The following ELP2 variants were observed in gnomAD, a reference collection of about 807,000 sequenced individuals.
ELP2 encodes the protein elongator complex protein 2.
In ELP2, 90 loss-of-function variants were observed where a neutral mutation model predicts 119.2. The observed-to-expected ratio is 0.75, with a 90% CI of 0.64 to 0.90. The LOEUF (loss-of-function observed/expected upper bound fraction) is 0.90, where lower values mean the gene tolerates loss of function less well. ELP2 is among the 40% of genes least tolerant of loss of function. ELP2 has a pLI of 0.00. For missense variants in ELP2, 921 were observed against 967.8 expected (o/e 0.95, Z 0.64); for synonymous variants, 339 against 331.0 (o/e 1.02, Z -0.26).
intron 6 of ELP2, among the ~76,000 whole-genome samples, chr18:36,141,805 C>T (rs1279391311): frequency 6.6e-6 from 1 of 151,674 alleles, no homozygotes; most frequent in Non-Finnish European, 1.5e-5. Flanking sequence ...ATCCTCCTGC[C>T]TCAGCCTCCT....
intron 6 of ELP2, among the ~76,000 whole-genome samples, chr18:36,141,723 T>C (rs1333674799): frequency 3.3e-5 from 5 of 151,184 alleles, no homozygotes; most frequent in African/African-American, 1.2e-4. Flanking sequence ...GACAGAGTCT[T>C]GTTCTGTCTC....
In ELP2 at chr18:36,139,736, G is replaced by C. The variant is rs541424603; in HGVS notation, c.523+864G>C. ...GTCCTTAGAAAAAGTCTCTTATCTA[G>C]CAGAGTCATCAGGGCTGCCCTTTGG... On this transcript the variant is annotated intron_variant, in intron 5 of 21. Coordinates refer to ENST00000358232, the MANE Select transcript of ELP2 (RefSeq NM_018255.4). 5.9e-5 allele frequency: 46 copies of C among 779,260 alleles called. 1 individual carries two copies. In the South Asian group the frequency reaches 9.4e-4, roughly 16 times the overall value. The allele number at this position is 779,260 out of a possible 1,614,324, so 48.3% of individuals were successfully genotyped here.
intron 8 of ELP2, among the ~76,000 whole-genome samples, chr18:36,143,708 A>G (rs2144638182): frequency 6.6e-6 from 1 of 152,092 alleles, no homozygotes; most frequent in East Asian, 1.9e-4. Context: ...GATACTTTGT[A>G]TTTTCCTATT....
At chr18:36,159,934 A>G (rs1338727564) in intron 15 of ELP2, 24 bp from the exon 16 acceptor site, 1 of 1,613,780 alleles carries the variant, frequency 6.2e-7, no homozygotes, top group East Asian at 2.2e-5. Flanking sequence ...TTACATAGAA[A>G]AAAATAGCTT....
chr18:36,133,708 T>TTTTA (rs1161064778), intron 2 of ELP2, among the ~76,000 whole-genome samples: 1 of 141,796 alleles, frequency 7.1e-6, no homozygotes, highest in Non-Finnish European at 1.5e-5. Flanking sequence ...TTCTTTTTTC[T>TTTTA]TTTATTTACT....
chr18:36,144,863 C>T (rs1046358017), intron 8 of ELP2, 76 bp from the exon 9 acceptor site: 10 of 1,230,066 alleles, frequency 8.1e-6, no homozygotes, highest in Non-Finnish European at 1.2e-5. Context: ...ACATAATTGC[C>T]CAACTGTCTT....
In ELP2 at chr18:36,146,310, G is replaced by T. The variant is rs1388425542; in HGVS notation, c.1054G>T (p.Asp352Tyr). Residue 352 changes from aspartate to tyrosine, a missense_variant, in exon 11 of 22, where the codon GAT (aspartate) becomes TAT (tyrosine). Asp to Tyr is a radical substitution (Grantham distance 160, BLOSUM62 -3). Coordinates refer to ENST00000358232, the MANE Select transcript of ELP2 (RefSeq NM_018255.4). Reference protein sequence around the residue: ...LGFYDCQFNEDGSMIIAHAFH... With the variant: ...LGFYDCQFNEYGSMIIAHAFH... ...ATTTTATGATTGCCAGTTCAATGAA[G>T]ATGGCTCCATGATCATTGCTCATGC... 2 of 1,613,936 alleles carry T rather than the reference G, an allele frequency of 1.2e-6. No individual in the cohort carries two copies. Among genetic ancestry groups the T allele is most frequent in the Non-Finnish European group, 1.7e-6 (2 of 1,179,804 alleles).
intron 20 of ELP2, among the ~76,000 whole-genome samples, chr18:36,170,611 G>A (rs963427516): frequency 1.3e-5 from 2 of 152,118 alleles, no homozygotes; most frequent in African/African-American, 4.8e-5. Flanking sequence ...ACCGTGCCTG[G>A]CCTGAGTTAC....
chr18:36,167,089 T>C lies in ELP2; in HGVS notation c.1955-12T>C, dbSNP rs1307242904. 1.9e-6 allele frequency: 3 copies of C among 1,595,834 alleles called. No individual in the cohort carries two copies. The highest frequency in any genetic ancestry group is 2.6e-6 in the Non-Finnish European group (3 of 1,171,948). On this transcript the variant is annotated splice_polypyrimidine_tract_variant and intron_variant, in intron 18 of 21. Coordinates refer to ENST00000358232, the MANE Select transcript of ELP2 (RefSeq NM_018255.4). ...CTCTGCTTTGTGAATAGTGTATACATATTTCTTTCAGAGCCAGTTTTTAGT... is the reference window on the plus strand; with the variant it reads ...CTCTGCTTTGTGAATAGTGTATACACATTTCTTTCAGAGCCAGTTTTTAGT...
chr18:36,169,910 C>G (rs1322900295), intron 19 of ELP2, 153 bp from the exon 20 acceptor site: 4 of 990,406 alleles, frequency 4.0e-6, no homozygotes, highest in Non-Finnish European at 6.1e-6. Context: ...TTGAAATGCT[C>G]TCAAGTCCTG....
At chr18:36,144,856 T>A in intron 8 of ELP2, 83 bp from the exon 9 acceptor site, 1 of 1,160,794 alleles carries the variant, frequency 8.6e-7, no homozygotes, top group Admixed American at 1.8e-5. Flanking sequence ...TTTTCTTACA[T>A]AATTGCCCAA....
At chr18:36,138,159 C>A in intron 3 of ELP2, 111 bp from the exon 4 acceptor site, 1 of 1,091,962 alleles carries the variant, frequency 9.2e-7, no homozygotes, top group Non-Finnish European at 1.3e-6. Flanking sequence ...TTCTTTTCAA[C>A]TTAGAGGACC....
intron 8 of ELP2, among the ~76,000 whole-genome samples, chr18:36,144,516 AT>A (rs2090137013): frequency 6.6e-6 from 1 of 152,148 alleles, no homozygotes; most frequent in Non-Finnish European, 1.5e-5. Flanking sequence ...ACTTAGGGGG[AT>A]TACAATTCAA....
Position 36,163,260 on chromosome 18 carries a change from T to TAG in ELP2, c.1762-1214_1762-1213dup, listed in dbSNP as rs2090792825. 3.8e-5 allele frequency among the ~76,000 whole-genome samples: 3 copies of TAG among 79,582 alleles called. No individual in the cohort carries two copies. In the South Asian group the frequency reaches 1.3e-3, roughly 34 times the overall value. The allele number at this position is 79,582 out of a possible 152,430, so 52.2% of individuals were successfully genotyped here. A position where few individuals can be genotyped will look rare whatever the true frequency, so the allele number is the denominator to read the frequency against. ...GATTTCATTGTTTTTTATGGCCGAGTAGTAGTTCATGGGGGGTGTGTGTGT... is the reference window on the plus strand; with the variant it reads ...GATTTCATTGTTTTTTATGGCCGAGTAGAGTAGTTCATGGGGGGTGTGTGTGT... On this transcript the variant is annotated intron_variant, in intron 17 of 21. Transcript: ENST00000358232.
intron 11 of ELP2, among the ~76,000 whole-genome samples, chr18:36,154,142 C>G (rs569464769): frequency 4.1e-5 from 6 of 146,576 alleles, no homozygotes; most frequent in Non-Finnish European, 8.9e-5. Context: ...TTTTGAATGA[C>G]CTATTAGCTA....
intron 8 of ELP2, among the ~76,000 whole-genome samples, chr18:36,143,914 A>G (rs2090120247): frequency 6.6e-6 from 1 of 152,348 alleles, no homozygotes; most frequent in East Asian, 1.9e-4. Flanking sequence ...TTATTGGCCT[A>G]TGATAAAAGA....
intron 11 of ELP2, among the ~76,000 whole-genome samples, chr18:36,149,549 G>A (rs2090331083): frequency 7.7e-6 from 1 of 130,114 alleles, no homozygotes; most frequent in South Asian, 2.5e-4. Context: ...TTGCAGGCCT[G>A]GTCCTGGACC....
intron 9 of ELP2, chr18:36,145,496 G>A (rs2090168055): frequency 3.4e-6 from 1 of 290,922 alleles, no homozygotes; most frequent in South Asian, 3.5e-5. Context: ...CTGGTGCTGG[G>A]TGTATAGCTA....
chr18:36,151,324 C>T (rs1279609479), intron 11 of ELP2, among the ~76,000 whole-genome samples: 1 of 151,972 alleles, frequency 6.6e-6, no homozygotes, highest in Admixed American at 6.6e-5. Context: ...CTCAAGCAGT[C>T]TACCCGCTTC....
Sources: gnomAD v4.1 joint callset for allele counts (sites outside exome capture counted in the v4.1 genomes callset) on GRCh38, gnomAD v4.1.1 for gene constraint, MANE v1.5 for transcripts, NCBI Gene and HGNC (gene_info 2026-07-23, HGNC 2026-07-21) for gene names.